The following WDR93 variants were observed in gnomAD, a reference collection of about 807,000 sequenced individuals.
WDR93 encodes WD repeat-containing protein 93.
Under a neutral mutation model 82.9 loss-of-function variants are expected in WDR93, and 73 were observed. That is an observed-to-expected ratio of 0.88 (90% confidence interval 0.73 to 1.07). The LOEUF (loss-of-function observed/expected upper bound fraction) is 1.07. Ranked by LOEUF, WDR93 falls within the 50% of genes least tolerant of loss-of-function variation. The pLI, the probability that WDR93 is intolerant of heterozygous loss-of-function variation, is 0.00. For missense variants in WDR93, 738 were observed against 826.0 expected, an observed-to-expected ratio of 0.89 and a Z score of 1.31; for synonymous variants, 283 against 300.1, an observed-to-expected ratio of 0.94 and a Z score of 0.59.
chr15:89,727,181 A>G lies in WDR93; in HGVS notation c.905A>G (p.Glu302Gly). The stretch of plus-strand genomic sequence containing the variant: ...GGCACCACATTCAAAAGCCCCCTGG[A>G]AGTCTTTGCAAAGATCAAGGACTGC... ...VTGTTFKSPL[E>G]VFAKIKDCYG... Residue 302 changes from glutamate to glycine, a missense_variant, in exon 9 of 17, where the codon GAA (glutamate) becomes GGA (glycine). Transcript: ENST00000268130. The G allele has an allele frequency of 6.2e-7, 1 of 1,613,968 alleles. No homozygotes were observed. The highest frequency in any genetic ancestry group is 8.5e-7 in the Non-Finnish European group (1 of 1,179,884).
intron 2 of WDR93, 29 bp downstream of exon 2, chr15:89,702,078 C>T (rs1183599719): frequency 1.3e-6 from 2 of 1,573,528 alleles, no homozygotes; most frequent in Admixed American, 3.6e-5. Context: ...ACCAGGAGCC[C>T]CTGTTTCTCA....
At chr15:89,722,275 T>A (rs536748316) in intron 8 of WDR93, 136 bp downstream of exon 8, 3 of 687,134 alleles carry the variant, frequency 4.4e-6, no homozygotes, top group South Asian at 2.4e-5. Flanking sequence ...AAATTTTTTT[T>A]AAACCCATAA....
intron 13 of WDR93, among the ~76,000 whole-genome samples, chr15:89,733,836 T>C (rs982786424): frequency 6.6e-6 from 1 of 152,202 alleles, no homozygotes; most frequent in Non-Finnish European, 1.5e-5. Context: ...TATTCTGTTA[T>C]AAGCAACAGA....
chr15:89,708,690 C>T (rs1443092630), intron 4 of WDR93, among the ~76,000 whole-genome samples: 1 of 152,188 alleles, frequency 6.6e-6, no homozygotes, highest in Non-Finnish European at 1.5e-5. Context: ...AGTGCTTTCC[C>T]AGTGTAGTAG....
intron 6 of WDR93, among the ~76,000 whole-genome samples, chr15:89,715,948 G>A (rs1347405636): frequency 6.6e-6 from 1 of 152,128 alleles, no homozygotes; most frequent in Non-Finnish European, 1.5e-5. Flanking sequence ...TATTTATACA[G>A]TGTATGCTTA....
At chr15:89,718,614 A>G (rs1966370848) in intron 7 of WDR93, among the ~76,000 whole-genome samples, 1 of 152,210 alleles carries the variant, frequency 6.6e-6, no homozygotes, top group Admixed American at 6.5e-5. Flanking sequence ...GTGACAGAGC[A>G]AGACCCTGTC....
intron 1 of WDR93, among the ~76,000 whole-genome samples, chr15:89,699,827 A>G (rs1034962468): frequency 6.6e-6 from 1 of 152,184 alleles, no homozygotes; most frequent in Non-Finnish European, 1.5e-5. Context: ...TATAGATATA[A>G]CAGTTACAGC....
Position 89,743,464 on chromosome 15 carries a change from C to A in WDR93, c.*73C>A. The A allele has an allele frequency of 1.4e-6, 2 of 1,446,418 alleles. No individual in the cohort carries two copies. Among genetic ancestry groups the A allele is most frequent in the Non-Finnish European group, 1.9e-6 (2 of 1,037,470 alleles). The allele number at this position is 1,446,418 out of a possible 1,614,324, so 89.6% of individuals were successfully genotyped here. A position where few individuals can be genotyped will look rare whatever the true frequency, so the allele number is the denominator to read the frequency against. On this transcript the variant is annotated 3_prime_UTR_variant, in exon 17 of 17. Transcript: ENST00000268130. ...GCAGCTGCTCCCAGGACACTGAGGC[C>A]AAGAGAAATGTAACAGAGCCACAGC... is the stretch of plus-strand genomic sequence containing the variant.
At chr15:89,696,701 C>T (rs1965194598) in intron 1 of WDR93, among the ~76,000 whole-genome samples, 1 of 152,084 alleles carries the variant, frequency 6.6e-6, no homozygotes, top group South Asian at 2.1e-4. Context: ...TGCCATTTTG[C>T]CCAGGTTGGT....
Position 89,714,989 on chromosome 15 carries a change from A to C in WDR93, c.650A>C (p.Asp217Ala), listed in dbSNP as rs1966179222. The stretch of plus-strand genomic sequence containing the variant: ...TGGTTTCCCAATGCAGGAGCCGGAG[A>C]TATTTGGCTGGATGTGTATAAATTG... ...FAAFLLQGAG[D>A]IWLDVYKLPK... The change falls in exon 6 of 17, where the codon GAT becomes GCT. Residue 217 changes from aspartate to alanine, a missense_variant. Coordinates refer to ENST00000268130, the MANE Select transcript of WDR93 (RefSeq NM_020212.2). 3 of 1,613,630 alleles carry C rather than the reference A, an allele frequency of 1.9e-6. No homozygotes were observed. The highest frequency in any genetic ancestry group is 2.5e-6 in the Non-Finnish European group (3 of 1,179,756).
rs1367080129 is a variant in WDR93, at chr15:89,717,042, TTTC to T, written c.795+96_795+98del. The T allele has an allele frequency of 6.7e-4, 388 of 575,938 alleles. 3 individuals carry two copies. In the African/African-American group the frequency reaches 9.0e-3, roughly 13 times the overall value. The allele number at this position is 575,938 out of a possible 1,614,324, so 35.7% of individuals were successfully genotyped here. A position where few individuals can be genotyped will look rare whatever the true frequency, so the allele number is the denominator to read the frequency against. ...TTATTTTTCTTTTCTTTTCTTTTTC[TTTC>T]TTTTTTTTTTTTTTTTTTTTTTGAG... is the stretch of plus-strand genomic sequence containing the variant. On this transcript the variant is annotated intron_variant, in intron 7 of 16. Transcript: ENST00000268130.
At chr15:89,719,770 C>T (rs1480688879) in intron 7 of WDR93, 2 of 151,476 alleles carry the variant, frequency 1.3e-5, no homozygotes, top group Non-Finnish European at 2.9e-5. Flanking sequence ...GGTTTAGTTT[C>T]CTCTTCTAAT....
chr15:89,715,023 G>C lies in WDR93; in HGVS notation c.684G>C (p.Glu228Asp), dbSNP rs1382992629. Residue 228 changes from glutamate to aspartate, a missense_variant, in exon 6 of 17, where the codon GAG becomes GAC. Coordinates refer to ENST00000268130, the MANE Select transcript of WDR93 (RefSeq NM_020212.2). ...TGGATGTGTATAAATTGCCCAAGGA[G>C]ACTTGGCTCAAGAAACTAGAGCACC... is the stretch of plus-strand genomic sequence containing the variant. ...IWLDVYKLPK[E>D]TWLKKLEHPQ... The C allele has an allele frequency of 1.2e-6, 2 of 1,614,064 alleles. No homozygotes were observed. Among genetic ancestry groups the C allele is most frequent in the Admixed American group, 3.3e-5 (2 of 59,996 alleles).
chr15:89,713,794 C>G (rs1297694324), intron 5 of WDR93, among the ~76,000 whole-genome samples: 4 of 152,108 alleles, frequency 2.6e-5, no homozygotes, highest in African/African-American at 9.7e-5. Flanking sequence ...TTGTATAATG[C>G]TTTGTGTATT....
Position 89,738,165 on chromosome 15 carries a change from G to A in WDR93, c.1890G>A (p.Arg630=), listed in dbSNP as rs2141718997. The change falls in exon 16 of 17, where the codon AGG becomes AGA. Residue 630 remains arginine, a synonymous_variant. Transcript: ENST00000268130. The part of the protein sequence containing the change: ...NISKNCTIPQ[R]DLDNMAFPQA... ...CAAAAAATTGTACCATTCCTCAAAG[G>A]GACTTGGATAACATGGCCTTCCCCC... 6.2e-7 allele frequency: 1 copy of A among 1,614,188 alleles called. No individual in the cohort carries two copies. Among genetic ancestry groups the A allele is most frequent in the Non-Finnish European group, 8.5e-7 (1 of 1,180,036 alleles).
At chr15:89,695,018 A>G (rs954852759) in intron 1 of WDR93, among the ~76,000 whole-genome samples, 1 of 152,150 alleles carries the variant, frequency 6.6e-6, no homozygotes, top group Non-Finnish European at 1.5e-5. Context: ...AGGACTCCCT[A>G]TTTGATTTCA....
chr15:89,741,054 T>C (rs1003114440), intron 16 of WDR93, among the ~76,000 whole-genome samples: 7 of 152,010 alleles, frequency 4.6e-5, no homozygotes, highest in South Asian at 2.1e-4. Flanking sequence ...GTAGGAGAAT[T>C]GCTTGAACTC....
intron 1 of WDR93, among the ~76,000 whole-genome samples, chr15:89,694,341 T>C (rs1596059812): frequency 1.3e-5 from 2 of 151,498 alleles, no homozygotes; most frequent in African/African-American, 4.9e-5. Flanking sequence ...TTCACACCAT[T>C]CTCCTGCCTC....
Position 89,690,889 on chromosome 15 carries a change from G to GGGGCTCCCCTCGAGTCCCA in WDR93, c.-41+35_-41+53dup, listed in dbSNP as rs1964835907. The GGGGCTCCCCTCGAGTCCCA allele has an allele frequency of 1.0e-4, 49 of 467,886 alleles. 1 individual carries two copies. In the East Asian group the frequency reaches 1.9e-3, roughly 18 times the overall value. 29.0% of individuals were successfully genotyped at this position (467,886 alleles called of 1,614,324 possible). ...AAAACTGATCTTACCTTTGGATGCCGGGGCTCCCCTCGAGTCCCAGGACTC... is the reference window on the plus strand; with the variant it reads ...AAAACTGATCTTACCTTTGGATGCCGGGGCTCCCCTCGAGTCCCAGGGCTCCCCTCGAGTCCCAGGACTC... On this transcript the variant is annotated intron_variant, in intron 1 of 16. Transcript: ENST00000268130.
Sources: gnomAD v4.1 joint callset for allele counts (sites outside exome capture counted in the v4.1 genomes callset) on GRCh38, gnomAD v4.1.1 for gene constraint, MANE v1.5 for transcripts, NCBI Gene and HGNC (gene_info 2026-07-23, HGNC 2026-07-21) for gene names.